The following FAP variants were observed in gnomAD, a reference collection of about 807,000 sequenced individuals.
FAP encodes the protein fibroblast activation protein alpha.
A neutral mutation model predicts 126.5 loss-of-function variants in FAP; 110 were observed. That is an observed-to-expected ratio of 0.87 (90% confidence interval 0.74 to 1.02). The LOEUF (loss-of-function observed/expected upper bound fraction) is 1.02. Ranked by LOEUF, FAP falls within the 50% of genes least tolerant of loss-of-function variation. The pLI is 0.00. For synonymous variants in FAP, 334 were observed against 297.3 expected (o/e 1.12, Z -1.27); for missense variants, 919 against 909.2 (o/e 1.01, Z -0.14).
At chr2:162,192,229 A>C (rs551536446) in intron 17 of FAP, among the ~76,000 whole-genome samples, 7 of 152,234 alleles carry the variant, frequency 4.6e-5, no homozygotes, top group African/African-American at 1.7e-4. Context: ...ATTTTGCTTT[A>C]ATCTGGCTTC....
intron 7 of FAP, among the ~76,000 whole-genome samples, chr2:162,219,636 T>C (rs2075302): frequency 0.34 from 52,254 of 152,012 alleles, 10,511 homozygotes; most frequent in Non-Finnish European, 0.46. Flanking sequence ...GATAAAGTTT[T>C]TGACTGCTAT....
In FAP at chr2:162,180,827, G is replaced by C. The variant is rs566703092; in HGVS notation, c.1869+2587C>G. ...GACATGTGGGAGAGATGATCAGCAG[G>C]CATTTGAAACATGGAGCACAGAAGA... On this transcript the variant is annotated intron_variant, in intron 21 of 25. Coordinates refer to ENST00000188790, the MANE Select transcript of FAP (RefSeq NM_004460.5). 5.3e-5 allele frequency among the ~76,000 whole-genome samples: 8 copies of C among 152,282 alleles called. No homozygotes were observed. The South Asian group carries it at 1.7e-3, about 32-fold the overall frequency.
At chr2:162,212,390 A>C (rs1449960674) in intron 11 of FAP, among the ~76,000 whole-genome samples, 15 of 152,232 alleles carry the variant, frequency 9.9e-5, no homozygotes, top group Non-Finnish European at 4.4e-5. Flanking sequence ...ATTAACTAGC[A>C]TAATCAAGAT....
intron 12 of FAP, 40 bp from the exon 13 acceptor site, chr2:162,203,185 C>A: frequency 3.8e-6 from 5 of 1,313,292 alleles, no homozygotes; most frequent in South Asian, 2.5e-5. Context: ...AAAGACAAAC[C>A]AAACTAAAAC....
intron 12 of FAP, among the ~76,000 whole-genome samples, chr2:162,205,509 CT>C (rs1056505736): frequency 4.6e-5 from 7 of 151,806 alleles, no homozygotes; most frequent in South Asian, 2.1e-4. Context: ...TAATGTCTCC[CT>C]TTTTTTTATT....
intron 12 of FAP, among the ~76,000 whole-genome samples, chr2:162,205,916 A>T (rs970160926): frequency 6.6e-6 from 1 of 152,216 alleles, no homozygotes; most frequent in Non-Finnish European, 1.5e-5. Flanking sequence ...GTACCACAGT[A>T]AAAAGAAAAA....
In FAP at chr2:162,224,513, A is replaced by C; in HGVS notation, c.313T>G (p.Leu105Val). 1 of 1,600,342 alleles carries C rather than the reference A, an allele frequency of 6.2e-7. No individual in the cohort carries two copies. ...TATACAAATTGCCGATCAGGTGATA[A>C]GCCGTAATTTGAAGCATTCACACTT... ...MKSVNASNYGLSPDRQFVYLE... is the reference protein window; with the variant it reads ...MKSVNASNYGVSPDRQFVYLE... The change falls in exon 5 of 26, where the codon TTA (leucine) becomes GTA (valine). Residue 105 changes from leucine to valine, a missense_variant. Transcript: ENST00000188790.
intron 2 of FAP, among the ~76,000 whole-genome samples, chr2:162,234,607 T>G (rs1325035395): frequency 6.6e-6 from 1 of 152,152 alleles, no homozygotes; most frequent in Non-Finnish European, 1.5e-5. Flanking sequence ...GAACCACTGA[T>G]AAAATGTTGA....
chr2:162,196,161 C>T (rs1299058913), intron 16 of FAP, among the ~76,000 whole-genome samples: 1 of 152,100 alleles, frequency 6.6e-6, no homozygotes, highest in African/African-American at 2.4e-5. Flanking sequence ...ATTGGGAAAC[C>T]ACACAGCTTT....
At chr2:162,193,810 A>G (rs1181057936) in intron 17 of FAP, 1 of 152,026 alleles carries the variant, frequency 6.6e-6, no homozygotes, top group Non-Finnish European at 1.5e-5. Context: ...CACTTGAGCC[A>G]TTGAGCTGAC....
intron 5 of FAP, among the ~76,000 whole-genome samples, chr2:162,223,861 A>G (rs1689515695): frequency 6.6e-6 from 1 of 152,164 alleles, no homozygotes; most frequent in Non-Finnish European, 1.5e-5. Context: ...CGTTTGTGCA[A>G]GTTCCAGAAC....
At chr2:162,236,393 GTTTGGTAGAA>G (rs1296810290) in intron 2 of FAP, among the ~76,000 whole-genome samples, 1 of 149,824 alleles carries the variant, frequency 6.7e-6, no homozygotes, top group African/African-American at 2.4e-5. Context: ...TTCTTTAAGT[GTTTGGTAGAA>G]TTTGTCAGTG....
intron 2 of FAP, among the ~76,000 whole-genome samples, chr2:162,239,199 T>G: frequency 6.6e-6 from 1 of 151,978 alleles, no homozygotes; most frequent in African/African-American, 2.4e-5. Context: ...GCCCAGCTAA[T>G]TTTTGTATTT....
intron 11 of FAP, among the ~76,000 whole-genome samples, chr2:162,212,561 C>A (rs546691594): frequency 3.3e-5 from 5 of 152,202 alleles, no homozygotes; most frequent in Admixed American, 2.0e-4. Context: ...ATATTTTTAG[C>A]CTGAGTAATG....
chr2:162,198,078 G>T, intron 16 of FAP: 2 of 882,650 alleles, frequency 2.3e-6, no homozygotes, highest in Non-Finnish European at 3.0e-6. Context: ...AAAATTATAT[G>T]GGTAGAAATT....
chr2:162,184,969 C>T (rs1576141003), intron 20 of FAP, among the ~76,000 whole-genome samples: 2 of 152,150 alleles, frequency 1.3e-5, no homozygotes, highest in East Asian at 3.9e-4. Context: ...ATGACATTTA[C>T]AGGAAATGAT....
chr2:162,203,298 T>C (rs768513179), intron 12 of FAP, among the ~76,000 whole-genome samples, 153 bp from the exon 13 acceptor site: 87 of 152,208 alleles, frequency 5.7e-4, no homozygotes, highest in Non-Finnish European at 1.1e-3. Flanking sequence ...TGAAATCCCA[T>C]TCTTTCAGAT....
chr2:162,205,590 C>G, intron 12 of FAP, among the ~76,000 whole-genome samples: 1 of 151,924 alleles, frequency 6.6e-6, no homozygotes, highest in East Asian at 1.9e-4. Context: ...CTTGGCTCAT[C>G]ACAACCTCTG....
rs756008025 is a variant in FAP, at chr2:162,188,238, T to C, written c.1745A>G (p.Asp582Gly). ...VDGRGTAFQG[D>G]KLLYAVYRKL... is the part of the protein sequence containing the mutation. ...TCGATACACTGCATAGAGGAGTTTG[T>C]CACCTTGGAAAGCTGTTCCTCGACC... The change falls in exon 20 of 26, where the codon GAC (aspartate) becomes GGC (glycine). Residue 582 changes from aspartate (D) to glycine (G), a missense_variant. Asp to Gly is a moderately conservative substitution (Grantham distance 94). Transcript: ENST00000188790. 1.1e-5 allele frequency: 18 copies of C among 1,613,402 alleles called. No individual in the cohort carries two copies. Among genetic ancestry groups the C allele is most frequent in the Non-Finnish European group, 1.4e-5 (17 of 1,179,524 alleles).
Sources: gnomAD v4.1 joint callset for allele counts (sites outside exome capture counted in the v4.1 genomes callset) on GRCh38, gnomAD v4.1.1 for gene constraint, MANE v1.5 for transcripts, NCBI Gene and HGNC (gene_info 2026-07-23, HGNC 2026-07-21) for gene names.